NRXN3: variants seen among roughly 807,000 people sequenced by gnomAD.
The protein encoded by NRXN3 is neurexin 3.
NRXN3 carries 32 observed loss-of-function variants against 137.6 expected under a neutral mutation model. The ratio of observed to expected loss-of-function variants is 0.23; its 90% confidence interval spans 0.18 to 0.31. The LOEUF is 0.31. Among genes scored for constraint, NRXN3 ranks in the 10% least tolerant of loss-of-function variants. The pLI is 1.00. For synonymous variants in NRXN3, 798 were observed against 784.5 expected (o/e 1.02, Z -0.29); for missense variants, 1,574 against 2,062.5 (o/e 0.76, Z 4.59).
At chr14:79,219,525 T>C (rs1164426489) in intron 15 of NRXN3, among the ~76,000 whole-genome samples, 1 of 152,132 alleles carries the variant, frequency 6.6e-6, no homozygotes, top group African/African-American at 2.4e-5. Flanking sequence ...GGTGGAAAGA[T>C]TTACTAAATA....
rs148252327 is a variant in NRXN3 at position 78,730,346 on chromosome 14, C to G, written c.2044+15207C>G. Among the ~76,000 whole-genome samples the G allele has an allele frequency of 4.8e-3, 735 of 152,304 alleles. 8 individuals are homozygous for G. Among genetic ancestry groups the G allele is most frequent in the African/African-American group, 0.017 (709 of 41,558 alleles). ...CCTCACTCCCTTTTTATTCACCCCT[C>G]TCCTGTCCTGCTTACCTTTTCTTTT... On this transcript the variant is annotated intron_variant, in intron 8 of 20. Transcript: ENST00000335750.
intron 16 of NRXN3, among the ~76,000 whole-genome samples, chr14:79,571,297 G>A (rs945020284): frequency 1.8e-4 from 27 of 152,182 alleles, no homozygotes; most frequent in African/African-American, 5.8e-4. Context: ...ACAAAATTCC[G>A]TTTTACTTAC....
intron 4 of NRXN3, among the ~76,000 whole-genome samples, chr14:78,368,317 C>T (rs988442767): frequency 5.3e-5 from 8 of 152,110 alleles, no homozygotes; most frequent in Admixed American, 2.6e-4. Flanking sequence ...TACTTGCAGG[C>T]GCAACACCAG....
chr14:79,606,673 G>C (rs186138685), intron 16 of NRXN3, among the ~76,000 whole-genome samples: 1 of 152,142 alleles, frequency 6.6e-6, no homozygotes, highest in African/African-American at 2.4e-5. Flanking sequence ...TAATAAATGG[G>C]TTGTGCACAG....
At chr14:79,162,090 T>C (rs768898687) in intron 15 of NRXN3, among the ~76,000 whole-genome samples, 1 of 108,278 alleles carries the variant, frequency 9.2e-6, no homozygotes, top group Non-Finnish European at 1.9e-5. Flanking sequence ...GCAATTAGTT[T>C]ACTTATTTTT....
At chr14:78,284,617 T>C (rs912227208) in intron 3 of NRXN3, among the ~76,000 whole-genome samples, 3 of 152,194 alleles carry the variant, frequency 2.0e-5, no homozygotes, top group Non-Finnish European at 2.9e-5. Context: ...TCAGAAAGGT[T>C]TTTTTAAAAA....
At chr14:78,664,914 T>G (rs1310582445) in intron 6 of NRXN3, among the ~76,000 whole-genome samples, 2 of 152,232 alleles carry the variant, frequency 1.3e-5, no homozygotes, top group African/African-American at 2.4e-5. Context: ...GTGATAGAAT[T>G]ATTGTTCCAA....
intron 15 of NRXN3, among the ~76,000 whole-genome samples, chr14:79,458,913 A>G (rs1310114951): frequency 6.6e-6 from 1 of 152,164 alleles, no homozygotes; most frequent in Non-Finnish European, 1.5e-5. Context: ...TAAGTAAGAT[A>G]AAATGAGTAC....
At chr14:79,529,033 C>A (rs544417193) in intron 16 of NRXN3, among the ~76,000 whole-genome samples, 1 of 152,072 alleles carries the variant, frequency 6.6e-6, no homozygotes, top group Non-Finnish European at 1.5e-5. Context: ...ACCATTCTCC[C>A]GCTGTAGCAG....
chr14:78,618,877 C>T (rs1295380073), intron 4 of NRXN3, among the ~76,000 whole-genome samples: 1 of 152,168 alleles, frequency 6.6e-6, no homozygotes, highest in Non-Finnish European at 1.5e-5. Context: ...AAGAGGACTT[C>T]TGTAGAAATT....
Position 79,280,542 on chromosome 14 carries a change from G to A in NRXN3, c.3263-186679G>A, listed in dbSNP as rs1598254770. The A allele has an allele frequency of 3.7e-6, 6 of 1,609,216 alleles. No individual in the cohort carries two copies. The East Asian group carries it at 6.7e-5, about 18-fold the overall frequency. On this transcript the variant is annotated intron_variant, in intron 15 of 20. Transcript: ENST00000335750. ...GTTTCCCTTCGAGGAGGACACGGTA[G>A]GTCTCTCTGCTCTTTATCCTTTTAA...
chr14:79,839,003 G>A (rs2099350063), intron 20 of NRXN3, among the ~76,000 whole-genome samples: 1 of 152,208 alleles, frequency 6.6e-6, no homozygotes, highest in African/African-American at 2.4e-5. Context: ...CTATAAAATA[G>A]TATGTTCTGA....
At chr14:78,301,302 T>C (rs1353135516) in intron 4 of NRXN3, among the ~76,000 whole-genome samples, 2 of 152,110 alleles carry the variant, frequency 1.3e-5, no homozygotes, top group African/African-American at 4.8e-5. Context: ...TGTTACACAG[T>C]CAGGAGGAAG....
At chr14:78,586,449 A>C (rs531601098) in intron 4 of NRXN3, among the ~76,000 whole-genome samples, 2 of 152,224 alleles carry the variant, frequency 1.3e-5, no homozygotes, top group Non-Finnish European at 2.9e-5. Context: ...CGGTAGTAGC[A>C]CAGGATTGGC....
chr14:78,913,249 TC>T, intron 10 of NRXN3, among the ~76,000 whole-genome samples: 2 of 96,774 alleles, frequency 2.1e-5, no homozygotes, highest in Admixed American at 9.9e-5. Context: ...TCCTTTCTTT[TC>T]TTTCTTTCTT....
rs760813448 is a variant in NRXN3 at position 78,589,268 on chromosome 14, A to C, written c.758-55852A>C. ...CTACCACCACTGAGATCCAGGACAT[A>C]ATATGCATTCCTAAGCAGGCTGCTG... On this transcript the variant is annotated intron_variant, in intron 4 of 20. Coordinates refer to ENST00000335750, the MANE Select transcript of NRXN3 (RefSeq NM_001330195.2). Among the ~76,000 whole-genome samples the C allele has an allele frequency of 4.0e-4, 61 of 152,288 alleles. 1 individual carries two copies. Among genetic ancestry groups the C allele is most frequent in the South Asian group, 1.0e-3 (5 of 4,808 alleles).
intron 15 of NRXN3, among the ~76,000 whole-genome samples, chr14:79,122,564 A>G (rs2055640151): frequency 6.6e-6 from 1 of 152,246 alleles, no homozygotes; most frequent in African/African-American, 2.4e-5. Context: ...TGGATATTAA[A>G]TAAAAATAAA....
chr14:79,401,445 G>A (rs12897000), intron 15 of NRXN3, among the ~76,000 whole-genome samples: 52,895 of 152,016 alleles, frequency 0.35, 9,468 homozygotes, highest in Admixed American at 0.4. Flanking sequence ...AAACTCTGAC[G>A]TGGGGCCTGT....
chr14:79,831,635 T>A (rs999215479), intron 20 of NRXN3, among the ~76,000 whole-genome samples: 10 of 152,140 alleles, frequency 6.6e-5, no homozygotes, highest in African/African-American at 2.4e-4. Context: ...TCCATCACTC[T>A]AAGAAATGAT....
Sources: gnomAD v4.1 joint callset for allele counts (sites outside exome capture counted in the v4.1 genomes callset) on GRCh38, gnomAD v4.1.1 for gene constraint, MANE v1.5 for transcripts, NCBI Gene and HGNC (gene_info 2026-07-23, HGNC 2026-07-21) for gene names.